The following PCCB variants were observed in gnomAD, a reference collection of about 807,000 sequenced individuals.
The protein encoded by PCCB is propionyl-CoA carboxylase beta chain, mitochondrial.
In PCCB, 43 loss-of-function variants were observed where a neutral mutation model predicts 60.7. That is an observed-to-expected ratio of 0.71 (90% confidence interval 0.55 to 0.91). PCCB has a LOEUF of 0.91. Ranked by LOEUF, PCCB falls within the 40% of genes least tolerant of loss-of-function variation. The probability of loss-of-function intolerance (pLI) is 0.00; values close to 1 mark genes in which losing one functional copy is unlikely to be tolerated. For synonymous variants in PCCB, 276 were observed against 255.9 expected (o/e 1.08, Z -0.75); for missense variants, 766 against 702.8 (o/e 1.09, Z -1.02).
At chr3:136,327,894 C>T (rs1214642784) in intron 13 of PCCB, among the ~76,000 whole-genome samples, 162 bp downstream of exon 13, 1 of 152,176 alleles carries the variant, frequency 6.6e-6, no homozygotes, top group Non-Finnish European at 1.5e-5. Context: ...CCTCTTGGGG[C>T]TCCAGAGATA....
chr3:136,310,820 CAT>C (rs1934635543), intron 9 of PCCB, among the ~76,000 whole-genome samples: 2 of 152,156 alleles, frequency 1.3e-5, no homozygotes, highest in East Asian at 1.9e-4. Context: ...TGTATTAACA[CAT>C]ATAGGGGAGA....
intron 9 of PCCB, among the ~76,000 whole-genome samples, chr3:136,316,602 C>T (rs1284020015): frequency 2.0e-5 from 3 of 152,182 alleles, no homozygotes; most frequent in Non-Finnish European, 2.9e-5. Flanking sequence ...AGGAGTGAGC[C>T]ACTGGGCCCG....
chr3:136,254,421 C>G lies in PCCB; in HGVS notation c.184-1435C>G, dbSNP rs1022363010. ...ATTTTTAGTAGAGATAGGGTTTCGC[C>G]GTGTTAGCCAGGATGGTCTCGATCT... On this transcript the variant is annotated intron_variant, in intron 1 of 14. Transcript: ENST00000251654. Among the ~76,000 whole-genome samples, 12 of 146,358 alleles carry G rather than the reference C, an allele frequency of 8.2e-5. 1 individual carries two copies. The highest frequency in any genetic ancestry group is 3.4e-4 in the Admixed American group (5 of 14,524).
intron 7 of PCCB, among the ~76,000 whole-genome samples, chr3:136,294,636 G>A (rs1027238829): frequency 2.7e-5 from 4 of 149,500 alleles, no homozygotes; most frequent in African/African-American, 9.9e-5. Context: ...TTTGAGATAG[G>A]GTCTCATGCT....
intron 12 of PCCB, 134 bp from the exon 13 acceptor site, chr3:136,327,500 A>T (rs1460396619): frequency 1.3e-6 from 1 of 769,744 alleles, no homozygotes; most frequent in African/African-American, 1.7e-5. Flanking sequence ...AAGGTCTTAC[A>T]GACCGTGGGC....
At chr3:136,283,783 A>G (rs1942540730) in intron 5 of PCCB, 54 bp from the exon 6 acceptor site, 1 of 1,219,828 alleles carries the variant, frequency 8.2e-7, no homozygotes, top group Non-Finnish European at 1.2e-6. Context: ...CTTTCCACAG[A>G]TAATGCCTCA....
intron 6 of PCCB, among the ~76,000 whole-genome samples, chr3:136,286,373 C>A (rs997845836): frequency 1.3e-5 from 2 of 152,122 alleles, no homozygotes; most frequent in African/African-American, 4.8e-5. Context: ...AAATCTGTTC[C>A]TCCAGGATTA....
At chr3:136,316,824 C>A in intron 9 of PCCB, 117 bp from the exon 10 acceptor site, 1 of 1,167,214 alleles carries the variant, frequency 8.6e-7, no homozygotes, top group Non-Finnish European at 1.3e-6. Flanking sequence ...TGTGATAGAG[C>A]TGGAGCTGTC....
chr3:136,327,187 C>T lies in PCCB; in HGVS notation c.1231C>T (p.His411Tyr), dbSNP rs201751368. ...ACAGGAATACGGGGGCATCATCCGGCATGGTGCCAAGCTTCTCTACGCATT... is the reference window on the plus strand; with the variant it reads ...ACAGGAATACGGGGGCATCATCCGGTATGGTGCCAAGCTTCTCTACGCATT... ...TAQEYGGIIRHGAKLLYAFAE... is the reference protein window; with the variant it reads ...TAQEYGGIIRYGAKLLYAFAE... Residue 411 changes from histidine to tyrosine, a missense_variant, in exon 12 of 15, where the codon CAT (histidine) becomes TAT (tyrosine). His to Tyr is a moderately conservative substitution (Grantham distance 83). Transcript: ENST00000251654. 2 of 1,614,062 alleles carry T rather than the reference C, an allele frequency of 1.2e-6. No homozygotes were observed. The highest frequency in any genetic ancestry group is 1.7e-5 in the Admixed American group (1 of 60,026).
rs777434061 is a variant in PCCB, at chr3:136,298,038, G to A, written c.850G>A (p.Asp284Asn). 4.3e-6 allele frequency: 7 copies of A among 1,614,160 alleles called. No homozygotes were observed. Among genetic ancestry groups the A allele is most frequent in the South Asian group, 1.1e-5 (1 of 91,078 alleles). Residue 284 changes from aspartate to asparagine, a missense_variant, in exon 8 of 15, where the codon GAC (aspartate) becomes AAC (asparagine). Asp to Asn is a conservative substitution (Grantham distance 23). Transcript: ENST00000251654. ...CAACTACCTGCCCCTGAGCAGTCAG[G>A]ACCCGGCTCCCGTCCGTGAGTGCCA... ...FFNYLPLSSQ[D>N]PAPVRECHDP...
At chr3:136,264,656 G>A (rs1378641026) in intron 5 of PCCB, among the ~76,000 whole-genome samples, 2 of 144,126 alleles carry the variant, frequency 1.4e-5, no homozygotes, top group Non-Finnish European at 1.5e-5. Flanking sequence ...GGTGGATCAC[G>A]AGGTCAGGAG....
At chr3:136,317,479 T>C (rs1934950276) in intron 10 of PCCB, among the ~76,000 whole-genome samples, 1 of 152,052 alleles carries the variant, frequency 6.6e-6, no homozygotes, top group Non-Finnish European at 1.5e-5. Flanking sequence ...TCCGCCCACC[T>C]CAGCCTCCGA....
At chr3:136,323,908 T>G (rs1935201042) in intron 10 of PCCB, among the ~76,000 whole-genome samples, 1 of 151,956 alleles carries the variant, frequency 6.6e-6, no homozygotes, top group African/African-American at 2.4e-5. Context: ...TTATACCTTG[T>G]GATTTTTTTA....
chr3:136,276,467 T>A (rs1391053324), intron 5 of PCCB, among the ~76,000 whole-genome samples: 2 of 152,128 alleles, frequency 1.3e-5, no homozygotes, highest in Admixed American at 1.3e-4. Flanking sequence ...GCCCTAGTGT[T>A]CCAGCTATTC....
Position 136,312,636 on chromosome 3 carries a change from T to C in PCCB, c.967-4305T>C, listed in dbSNP as rs78392381. 9.8e-3 allele frequency among the ~76,000 whole-genome samples: 1,486 copies of C among 152,288 alleles called. 27 individuals carry two copies. Among genetic ancestry groups the C allele is most frequent in the African/African-American group, 0.032 (1,335 of 41,548 alleles). On this transcript the variant is annotated intron_variant, in intron 9 of 14. Coordinates refer to ENST00000251654, the MANE Select transcript of PCCB (RefSeq NM_000532.5). ...ATGGGTCAGAAAACTAAATATAATCTGTGAATCCATACAAGCACTAAAAGA... is the reference window on the plus strand; with the variant it reads ...ATGGGTCAGAAAACTAAATATAATCCGTGAATCCATACAAGCACTAAAAGA...
intron 5 of PCCB, among the ~76,000 whole-genome samples, chr3:136,266,123 C>T (rs912950401): frequency 2.0e-5 from 3 of 149,154 alleles, no homozygotes; most frequent in Non-Finnish European, 4.5e-5. Flanking sequence ...CCACCATGCC[C>T]AGCCTTGGTT....
chr3:136,323,198 C>G (rs1427729444), intron 10 of PCCB, among the ~76,000 whole-genome samples: 1 of 152,144 alleles, frequency 6.6e-6, no homozygotes, highest in African/African-American at 2.4e-5. Context: ...GCCACTTTCT[C>G]TTAGTCTTCT....
intron 10 of PCCB, among the ~76,000 whole-genome samples, chr3:136,318,287 T>C (rs552098): frequency 1 from 152,248 of 152,300 alleles, 76,098 homozygotes; most frequent in Non-Finnish European, 1. Flanking sequence ...GAGGTTGTTG[T>C]AGTGAGCCGG....
chr3:136,287,578 G>A (rs531909689), intron 6 of PCCB, among the ~76,000 whole-genome samples: 4 of 152,046 alleles, frequency 2.6e-5, no homozygotes, highest in Non-Finnish European at 4.4e-5. Context: ...GACTACAGGC[G>A]TGTGCCACCA....
Sources: allele counts gnomAD v4.1 joint callset (sites outside exome capture counted in the v4.1 genomes callset), GRCh38; gene constraint gnomAD v4.1.1; transcripts MANE v1.5; gene names NCBI Gene and HGNC (gene_info 2026-07-23, HGNC 2026-07-21).